Variants in AFF1 observed in about 807,000 individuals in gnomAD.
The protein encoded by AFF1 is AF4/FMR2 family member 1.
A neutral mutation model predicts 121.7 loss-of-function variants in AFF1; 48 were observed. The ratio of observed to expected loss-of-function variants is 0.39; its 90% CI spans 0.31 to 0.50. The LOEUF is 0.50. Ranked by LOEUF, AFF1 falls within the 20% of genes least tolerant of loss-of-function variation. The pLI is 0.76. For synonymous variants in AFF1, 613 were observed against 563.0 expected (o/e 1.09, Z -1.26); for missense variants, 1,523 against 1,511.7 (o/e 1.01, Z -0.12).
chr4:86,935,526 G>A (rs1388125308), intron 1 of AFF1: 1 of 152,356 alleles, frequency 6.6e-6, no homozygotes, highest in Non-Finnish European at 1.5e-5. Flanking sequence ...CTCACGCGCA[G>A]CCCCCAAGTC....
At chr4:87,127,171 C>T (rs573792421) in intron 15 of AFF1, 54 bp downstream of exon 15, 3 of 1,296,296 alleles carry the variant, frequency 2.3e-6, no homozygotes, top group Non-Finnish European at 3.3e-6. Flanking sequence ...TTGCTTCCCC[C>T]CCCCACCAAG....
At chr4:87,078,562 C>G (rs1722889467) in intron 4 of AFF1, among the ~76,000 whole-genome samples, 1 of 152,120 alleles carries the variant, frequency 6.6e-6, no homozygotes, top group African/African-American at 2.4e-5. Flanking sequence ...AAGGGAGCAT[C>G]AGGGATGTTT....
rs1724660907 is a variant in AFF1 at position 87,094,773 on chromosome 4, A to G, written c.1229-142A>G. On this transcript the variant is annotated intron_variant, in intron 7 of 20. Transcript: ENST00000395146. Reference sequence around the variant, plus strand: ...ACCAAGCATTCTCTCTAGAAGTAACATAAATGTCATCTTATAATGCTAAGA... The same window carrying G: ...ACCAAGCATTCTCTCTAGAAGTAACGTAAATGTCATCTTATAATGCTAAGA... 3 of 757,052 alleles carry G rather than the reference A, an allele frequency of 4.0e-6. No individual in the cohort carries two copies. In the South Asian group the frequency reaches 5.3e-5, roughly 13 times the overall value. 46.9% of individuals were successfully genotyped at this position (757,052 alleles called of 1,614,324 possible).
At chr4:87,013,498 C>A (rs185906052) in intron 2 of AFF1, among the ~76,000 whole-genome samples, 3 of 152,142 alleles carry the variant, frequency 2.0e-5, no homozygotes, top group African/African-American at 7.2e-5. Context: ...GTCTTTATTT[C>A]GGTATGTTTT....
At chr4:87,028,893 G>A (rs1277761831) in intron 2 of AFF1, among the ~76,000 whole-genome samples, 2 of 152,164 alleles carry the variant, frequency 1.3e-5, no homozygotes, top group East Asian at 1.9e-4. Context: ...GAAGGCAGGC[G>A]GATTGTCCCC....
intron 2 of AFF1, among the ~76,000 whole-genome samples, chr4:86,994,179 CTA>C (rs1336201805): frequency 2.0e-5 from 3 of 152,218 alleles, no homozygotes; most frequent in African/African-American, 7.2e-5. Context: ...ACTAAATAAA[CTA>C]TATTTAAACA....
At chr4:86,997,258 G>A (rs1490508313) in intron 2 of AFF1, among the ~76,000 whole-genome samples, 6 of 152,248 alleles carry the variant, frequency 3.9e-5, no homozygotes, top group African/African-American at 1.4e-4. Flanking sequence ...TAGCATGTTT[G>A]CATGCTCAGC....
chr4:87,080,404 C>T (rs1040155054), intron 4 of AFF1, among the ~76,000 whole-genome samples: 1 of 152,180 alleles, frequency 6.6e-6, no homozygotes, highest in Non-Finnish European at 1.5e-5. Flanking sequence ...AGCCTTATCT[C>T]AGTTGTGGCT....
chr4:87,045,799 G>T (rs1042475763), intron 2 of AFF1, among the ~76,000 whole-genome samples: 6 of 152,056 alleles, frequency 3.9e-5, no homozygotes, highest in African/African-American at 1.4e-4. Context: ...CAGATGAAAA[G>T]CTTCCACCTC....
At chr4:87,098,199 TAG>T (rs1725067983) in intron 8 of AFF1, among the ~76,000 whole-genome samples, 1 of 152,164 alleles carries the variant, frequency 6.6e-6, no homozygotes, top group Non-Finnish European at 1.5e-5. Flanking sequence ...CAGATATGGT[TAG>T]GGGGTAGCAA....
At chr4:87,083,795 T>TTA (rs1053089802) in intron 4 of AFF1, among the ~76,000 whole-genome samples, 2 of 152,108 alleles carry the variant, frequency 1.3e-5, no homozygotes, top group East Asian at 1.9e-4. Flanking sequence ...TGTTGTTGTT[T>TTA]TATATATATA....
At chr4:87,043,842 G>T (rs1443374468) in intron 2 of AFF1, among the ~76,000 whole-genome samples, 2 of 150,390 alleles carry the variant, frequency 1.3e-5, no homozygotes, top group African/African-American at 4.9e-5. Context: ...TTTTTGAGAC[G>T]GAGTCTCGCG....
At chr4:87,008,784 A>G (rs951413012) in intron 2 of AFF1, among the ~76,000 whole-genome samples, 1 of 152,186 alleles carries the variant, frequency 6.6e-6, no homozygotes, top group African/African-American at 2.4e-5. Context: ...GAACTGCTTT[A>G]TCTTGCTTAA....
chr4:87,051,700 C>G (rs1731280950), intron 4 of AFF1, among the ~76,000 whole-genome samples: 1 of 152,024 alleles, frequency 6.6e-6, no homozygotes, highest in Non-Finnish European at 1.5e-5. Context: ...AATCTCTTGA[C>G]TTCATGATCC....
In AFF1 at chr4:86,993,801, A is replaced by G. The variant is rs1194578996; in HGVS notation, c.38+45230A>G. ...AACATAGTGAAACCCCATCTCTACT[A>G]AAAATACAAAAAATTAGCTGGGCAT... is the stretch of plus-strand genomic sequence containing the variant. On this transcript the variant is annotated intron_variant, in intron 2 of 20. Transcript: ENST00000395146. Among the ~76,000 whole-genome samples the G allele has an allele frequency of 2.6e-5, 4 of 152,160 alleles. No individual in the cohort carries two copies. The East Asian group carries it at 5.8e-4, about 22-fold the overall frequency.
chr4:87,024,100 C>T (rs530155664), intron 2 of AFF1, among the ~76,000 whole-genome samples: 3 of 152,312 alleles, frequency 2.0e-5, no homozygotes, highest in African/African-American at 7.2e-5. Context: ...ATCTGCAAGG[C>T]AGAGCTTATC....
chr4:87,110,438 GTTTTTTTGTT>G (rs976594396), intron 11 of AFF1, among the ~76,000 whole-genome samples: 2 of 112,072 alleles, frequency 1.8e-5, no homozygotes, highest in East Asian at 2.7e-4. Flanking sequence ...TCTTGTTCTG[GTTTTTTTGTT>G]TTGTTTTGTT....
chr4:87,136,555 T>G lies in AFF1; in HGVS notation c.*854T>G, dbSNP rs563733053. 1 of 232,058 alleles carries G rather than the reference T, an allele frequency of 4.3e-6. No homozygotes were observed. The highest frequency in any genetic ancestry group is 1.3e-3 in the Middle Eastern group (1 of 784). 14.4% of individuals were successfully genotyped at this position (232,058 alleles called of 1,614,324 possible). ...CGAAAGGGACTCTCTAACAGGGCAG[T>G]CACTGTTGACTCTATTCTGAATTTC... On this transcript the variant is annotated 3_prime_UTR_variant, in exon 21 of 21. Transcript: ENST00000395146.
chr4:87,039,040 C>A (rs1416613139), intron 2 of AFF1, among the ~76,000 whole-genome samples: 1 of 152,140 alleles, frequency 6.6e-6, no homozygotes, highest in Admixed American at 6.6e-5. Flanking sequence ...CATGACTAAC[C>A]TAGTTTAGCA....
Sources: gnomAD v4.1 joint callset for allele counts (sites outside exome capture counted in the v4.1 genomes callset) on GRCh38, gnomAD v4.1.1 for gene constraint, MANE v1.5 for transcripts, NCBI Gene and HGNC (gene_info 2026-07-23, HGNC 2026-07-21) for gene names.